UNC13C: variants seen among roughly 807,000 people sequenced by gnomAD.
UNC13C encodes protein unc-13 homolog C.
In UNC13C, 174 loss-of-function variants were observed where a neutral mutation model predicts 245.4. The observed-to-expected ratio is 0.71, with a 90% CI of 0.63 to 0.80. UNC13C has a LOEUF of 0.80. Ranked by LOEUF, UNC13C falls within the 30% of genes least tolerant of loss-of-function variation. The pLI is 0.00. For synonymous variants in UNC13C, 992 were observed against 895.1 expected (o/e 1.11, Z -1.93); for missense variants, 2,829 against 2,602.9 (o/e 1.09, Z -1.89).
At chr15:54,125,013 A>G (rs997006854) in intron 2 of UNC13C, among the ~76,000 whole-genome samples, 2 of 152,218 alleles carry the variant, frequency 1.3e-5, no homozygotes, top group Non-Finnish European at 2.9e-5. Context: ...TCCATTTACC[A>G]GTACAACACA....
At chr15:53,873,469 T>C in the UNC13C span, among the ~76,000 whole-genome samples, 1 of 152,174 alleles carries the variant, frequency 6.6e-6, no homozygotes, top group African/African-American at 2.4e-5. Flanking sequence ...AGCTTTGCCT[T>C]GTCAAATTGT....
chr15:54,451,712 C>T (rs1186452392), intron 19 of UNC13C, among the ~76,000 whole-genome samples: 1 of 152,088 alleles, frequency 6.6e-6, no homozygotes, highest in Admixed American at 6.5e-5. Context: ...TTGTTCCTTA[C>T]TGACCTTATT....
At chr15:54,154,130 G>C (rs139228561) in intron 4 of UNC13C, among the ~76,000 whole-genome samples, 310 of 151,904 alleles carry the variant, frequency 2.0e-3, no homozygotes, top group Non-Finnish European at 3.4e-3. Context: ...TTGAGCACTA[G>C]GTCTTATTTC....
At chr15:54,250,911 C>G (rs1482291664) in intron 8 of UNC13C, among the ~76,000 whole-genome samples, 2 of 151,134 alleles carry the variant, frequency 1.3e-5, no homozygotes, top group Non-Finnish European at 3.0e-5. Context: ...CACATGCCAC[C>G]AAGCCTGGCT....
In UNC13C at chr15:54,500,906, C is replaced by T; in HGVS notation, c.5229C>T (p.Ser1743=). The change falls in exon 22 of 33, where the codon AGC becomes AGT. Residue 1743 remains serine (S), a synonymous_variant. Transcript: ENST00000260323. Reference sequence around the variant, plus strand: ...ATGTCTTTGCTCAGCTGAATCAGAGCTTTGAAATTATTAAGAAACTGGAAT... The same window carrying T: ...ATGTCTTTGCTCAGCTGAATCAGAGTTTTGAAATTATTAAGAAACTGGAAT... ...VVDVFAQLNQ[S]FEIIKKLECP... is the part of the protein sequence containing the mutation. 6.2e-7 allele frequency: 1 copy of T among 1,613,002 alleles called. No individual in the cohort carries two copies. The highest frequency in any genetic ancestry group is 1.1e-5 in the South Asian group (1 of 91,052).
At chr15:54,169,557 C>G (rs1370654293) in intron 4 of UNC13C, among the ~76,000 whole-genome samples, 1 of 152,148 alleles carries the variant, frequency 6.6e-6, no homozygotes, top group African/African-American at 2.4e-5. Context: ...ATGTATTTAA[C>G]ATGACCCAGA....
At chr15:54,450,846 C>G (rs752613929) in intron 19 of UNC13C, among the ~76,000 whole-genome samples, 1 of 152,150 alleles carries the variant, frequency 6.6e-6, no homozygotes, top group Non-Finnish European at 1.5e-5. Context: ...CAGAAATCAC[C>G]CATCTTCTGC....
chr15:54,304,354 C>A (rs1457044614), intron 13 of UNC13C, among the ~76,000 whole-genome samples: 1 of 152,010 alleles, frequency 6.6e-6, no homozygotes, highest in Non-Finnish European at 1.5e-5. Flanking sequence ...ACTTCAGTGA[C>A]AATAATGTGG....
At chr15:54,343,003 G>C (rs895421946) in intron 17 of UNC13C, among the ~76,000 whole-genome samples, 9 of 151,974 alleles carry the variant, frequency 5.9e-5, no homozygotes, top group African/African-American at 2.2e-4. Flanking sequence ...ACTTTTCTTT[G>C]TCTAATCTCT....
At chr15:54,512,087 G>A (rs535722235) in intron 24 of UNC13C, among the ~76,000 whole-genome samples, 6 of 152,288 alleles carry the variant, frequency 3.9e-5, no homozygotes, top group African/African-American at 1.4e-4. Context: ...GTATGTTTGT[G>A]TGTGTAGTCA....
chr15:54,297,794 C>G lies in UNC13C; in HGVS notation c.3989-17C>G. On this transcript the variant is annotated splice_polypyrimidine_tract_variant and intron_variant, in intron 11 of 32. Transcript: ENST00000260323. Reference sequence around the variant, plus strand: ...ATTGTCAGACATGACTGACCAATTGCCTTTTTGCTTTATCAGAGAAAAGGA... The same window carrying G: ...ATTGTCAGACATGACTGACCAATTGGCTTTTTGCTTTATCAGAGAAAAGGA... 1 of 1,555,772 alleles carries G rather than the reference C, an allele frequency of 6.4e-7. No homozygotes were observed. The highest frequency in any genetic ancestry group is 8.8e-7 in the Non-Finnish European group (1 of 1,134,762).
intron 19 of UNC13C, among the ~76,000 whole-genome samples, chr15:54,480,460 A>G (rs1163921123): frequency 3.4e-5 from 5 of 145,294 alleles, no homozygotes; most frequent in African/African-American, 1.3e-4. Flanking sequence ...ATCTCAAAAG[A>G]CCTGTCTTCA....
At chr15:53,937,754 C>A in the UNC13C span, among the ~76,000 whole-genome samples, 2 of 150,844 alleles carry the variant, frequency 1.3e-5, no homozygotes, top group Non-Finnish European at 2.9e-5. Context: ...AAGAGAATTT[C>A]TAACCCAGAA....
chr15:54,594,350 T>A (rs1406834118), intron 30 of UNC13C, among the ~76,000 whole-genome samples: 1 of 152,042 alleles, frequency 6.6e-6, no homozygotes, highest in African/African-American at 2.4e-5. Flanking sequence ...TGTAGTAGTG[T>A]GGAGAAGGAC....
chr15:54,441,984 T>C (rs1890552423), intron 19 of UNC13C, among the ~76,000 whole-genome samples: 1 of 152,054 alleles, frequency 6.6e-6, no homozygotes, highest in Non-Finnish European at 1.5e-5. Context: ...TAGTTCATTA[T>C]TATTGTATAG....
intron 2 of UNC13C, among the ~76,000 whole-genome samples, chr15:54,125,581 A>G (rs1381696269): frequency 4.6e-5 from 7 of 152,184 alleles, no homozygotes; most frequent in Non-Finnish European, 1.0e-4. Flanking sequence ...AACGTGGTAC[A>G]TCTCTTCATC....
At chr15:54,411,944 G>A (rs2040424413) in intron 18 of UNC13C, among the ~76,000 whole-genome samples, 1 of 151,938 alleles carries the variant, frequency 6.6e-6, no homozygotes, top group Non-Finnish European at 1.5e-5. Context: ...TATTGATTTA[G>A]GCCTTATTTA....
intron 4 of UNC13C, among the ~76,000 whole-genome samples, chr15:54,185,170 C>T (rs1360073931): frequency 1.3e-5 from 2 of 151,198 alleles, no homozygotes; most frequent in Non-Finnish European, 2.9e-5. Flanking sequence ...TGGATATTAG[C>T]CCTTTGTCAG....
intron 17 of UNC13C, among the ~76,000 whole-genome samples, chr15:54,347,381 CT>C (rs1363500255): frequency 2.0e-5 from 3 of 152,168 alleles, no homozygotes; most frequent in Non-Finnish European, 4.4e-5. Flanking sequence ...TAAAACCTTT[CT>C]GCCTAAGATT....
Sources: gnomAD v4.1 joint callset for allele counts (sites outside exome capture counted in the v4.1 genomes callset) on GRCh38, gnomAD v4.1.1 for gene constraint, MANE v1.5 for transcripts, NCBI Gene and HGNC (gene_info 2026-07-23, HGNC 2026-07-21) for gene names.